ACSL6: variants seen among roughly 807,000 people sequenced by gnomAD.
The protein encoded by ACSL6 is acyl-CoA synthetase long chain family member 6.
ACSL6 carries 47 observed loss-of-function variants against 98.2 expected under a neutral mutation model. The observed-to-expected ratio is 0.48, with a 90% CI of 0.38 to 0.61. The LOEUF is 0.61. Ranked by LOEUF, ACSL6 falls within the 20% of genes least tolerant of loss-of-function variation. ACSL6 has a pLI of 0.00. For missense variants in ACSL6, 761 were observed against 913.4 expected, an observed-to-expected ratio of 0.83 and a Z score of 2.15; for synonymous variants, 362 against 336.9, an observed-to-expected ratio of 1.07 and a Z score of -0.82.
chr5:131,955,171 T>C (rs1047395666), intron 20 of ACSL6, among the ~76,000 whole-genome samples: 8 of 152,196 alleles, frequency 5.3e-5, no homozygotes, highest in African/African-American at 1.9e-4. Flanking sequence ...CTGGAAATCT[T>C]GCCTAAAGAT....
chr5:131,962,582 G>A lies in ACSL6; in HGVS notation c.1810C>T (p.Arg604Trp), dbSNP rs183511238. ...APEKIENIYI[R>W]SQPVAQIYVH... ...TAGATTTGCGCCACAGGTTGGCTCCGGATGTAGATGTTCTCAATCTTCTCG... is the reference window on the plus strand; with the variant it reads ...TAGATTTGCGCCACAGGTTGGCTCCAGATGTAGATGTTCTCAATCTTCTCG... The change falls in exon 18 of 21, where the codon CGG (arginine) becomes TGG (tryptophan). Residue 604 changes from arginine (R) to tryptophan (W), a missense_variant. Transcript: ENST00000651883. 23 of 1,614,072 alleles carry A rather than the reference G, an allele frequency of 1.4e-5. No individual in the cohort carries two copies. The African/African-American group carries it at 2.1e-4, about 15-fold the overall frequency.
At chr5:132,002,199 C>T (rs1257343808) in intron 1 of ACSL6, among the ~76,000 whole-genome samples, 3 of 152,228 alleles carry the variant, frequency 2.0e-5, no homozygotes, top group Non-Finnish European at 4.4e-5. Context: ...ACTCCCTGGC[C>T]AGGCCCTCCT....
At chr5:131,976,070 C>T (rs1227075163) in intron 10 of ACSL6, 2 of 985,368 alleles carry the variant, frequency 2.0e-6, no homozygotes, top group Non-Finnish European at 2.4e-6. Context: ...CTGAAGGAAA[C>T]TGCAGGACAT....
intron 10 of ACSL6, chr5:131,975,334 C>T (rs1753561250): frequency 1.0e-6 from 1 of 985,404 alleles, no homozygotes. Context: ...AGGGCCTGCC[C>T]CTCACTTGCA....
intron 1 of ACSL6, among the ~76,000 whole-genome samples, chr5:131,997,089 G>A (rs753725822): frequency 2.0e-5 from 3 of 152,228 alleles, no homozygotes; most frequent in Non-Finnish European, 4.4e-5. Flanking sequence ...AGTGCTACAA[G>A]TCTGTGAGGC....
chr5:131,955,248 G>A (rs1434460960), intron 20 of ACSL6, among the ~76,000 whole-genome samples: 1 of 152,126 alleles, frequency 6.6e-6, no homozygotes, highest in East Asian at 1.9e-4. Context: ...TGGAAATTTT[G>A]GCTAAAGATG....
chr5:131,975,216 A>G lies in ACSL6; in HGVS notation c.991-246T>C, dbSNP rs575314558. The G allele has an allele frequency of 7.2e-5, 98 of 1,369,478 alleles. No individual in the cohort carries two copies. The African/African-American group carries it at 1.3e-3, about 19-fold the overall frequency. 84.8% of individuals were successfully genotyped at this position (1,369,478 alleles called of 1,614,324 possible). ...AGAGACAGGGCAGCATAGGAAGCGG[A>G]GTGTTAGGTCGCAGCGTCAGTGGGT... On this transcript the variant is annotated intron_variant, in intron 10 of 20. Transcript: ENST00000651883.
In ACSL6 at chr5:131,951,238, G is replaced by A. The variant is rs1752141874; in HGVS notation, c.*2996C>T. ...ACTTCTAGGCTTAAATAGATCCAAT[G>A]CCCAATATGAATGTGACCATCGTAA... On this transcript the variant is annotated 3_prime_UTR_variant, in exon 21 of 21. Transcript: ENST00000651883. 4.7e-6 allele frequency: 1 copy of A among 212,412 alleles called. No homozygotes were observed. Among genetic ancestry groups the A allele is most frequent in the East Asian group, 7.1e-5 (1 of 14,056 alleles). The allele number at this position is 212,412 out of a possible 1,614,324, so 13.2% of individuals were successfully genotyped here. A position where few individuals can be genotyped will look rare whatever the true frequency, so the allele number is the denominator to read the frequency against.
Position 131,950,053 on chromosome 5 carries a change from A to G in ACSL6, c.*4181T>C. 1 of 179,364 alleles carries G rather than the reference A, an allele frequency of 5.6e-6. No individual in the cohort carries two copies. The allele number at this position is 179,364 out of a possible 1,614,324, so 11.1% of individuals were successfully genotyped here. A position where few individuals can be genotyped will look rare whatever the true frequency, so the allele number is the denominator to read the frequency against. ...TATTTAATATGCATGCTACTATAAC[A>G]AAGCAACTGAAAATGTAATTACAGT... On this transcript the variant is annotated 3_prime_UTR_variant, in exon 21 of 21. Coordinates refer to ENST00000651883, the MANE Select transcript of ACSL6 (RefSeq NM_001009185.3).
At chr5:131,976,930 C>T (rs1231630057) in intron 9 of ACSL6, among the ~76,000 whole-genome samples, 1 of 152,234 alleles carries the variant, frequency 6.6e-6, no homozygotes, top group African/African-American at 2.4e-5. Flanking sequence ...CTCCCACCAG[C>T]ATGGGACCAG....
intron 18 of ACSL6, chr5:131,960,958 C>T: frequency 5.0e-6 from 1 of 199,994 alleles, no homozygotes; most frequent in Non-Finnish European, 1.0e-5. Flanking sequence ...AAAATGTTTC[C>T]CAGGATTACC....
chr5:131,957,020 C>T (rs1752444419), intron 20 of ACSL6, among the ~76,000 whole-genome samples: 1 of 152,084 alleles, frequency 6.6e-6, no homozygotes, highest in Non-Finnish European at 1.5e-5. Context: ...GAATAAAATT[C>T]CTCAAAATTG....
At chr5:131,995,737 C>A (rs903576536) in intron 1 of ACSL6, among the ~76,000 whole-genome samples, 1 of 152,174 alleles carries the variant, frequency 6.6e-6, no homozygotes, top group African/African-American at 2.4e-5. Flanking sequence ...CAGAGACACA[C>A]AAAAAGCCCT....
intron 9 of ACSL6, among the ~76,000 whole-genome samples, chr5:131,978,285 A>G (rs978683835): frequency 2.6e-5 from 4 of 152,238 alleles, no homozygotes; most frequent in Admixed American, 6.5e-5. Flanking sequence ...GAAGTGGAGC[A>G]GGCAGCAGGC....
At chr5:131,971,694 G>T (rs186298767) in intron 13 of ACSL6, 49 bp from the exon 14 acceptor site, 2 of 1,492,982 alleles carry the variant, frequency 1.3e-6, no homozygotes, top group Non-Finnish European at 1.8e-6. Context: ...CTGAGATGGT[G>T]TCCAGTCCAT....
In ACSL6 at chr5:131,962,710, C is replaced by T. The variant is rs759417478; in HGVS notation, c.1714-32G>A. The T allele has an allele frequency of 8.7e-6, 14 of 1,611,350 alleles. No homozygotes were observed. The South Asian group carries it at 1.5e-4, about 18-fold the overall frequency. On this transcript the variant is annotated intron_variant, in intron 17 of 20. Transcript: ENST00000651883. ...AGTTGGACAAACAGCTTTATAAGAACATGGCACTCTCAAGCCTGAACCTTT... is the reference window on the plus strand; with the variant it reads ...AGTTGGACAAACAGCTTTATAAGAATATGGCACTCTCAAGCCTGAACCTTT...
intron 3 of ACSL6, among the ~76,000 whole-genome samples, 160 bp downstream of exon 3, chr5:131,990,693 C>T (rs1754455526): frequency 6.6e-6 from 1 of 152,188 alleles, no homozygotes; most frequent in Admixed American, 6.5e-5. Flanking sequence ...GCAGCTGCTT[C>T]TCTGACTGGT....
At chr5:131,974,731 T>C (rs976392647) in intron 11 of ACSL6, 162 bp downstream of exon 11, 1 of 1,593,216 alleles carries the variant, frequency 6.3e-7, no homozygotes, top group Non-Finnish European at 8.5e-7. Flanking sequence ...AGGCACAGAG[T>C]GTGCCTCCCT....
At chr5:131,975,685 A>T in intron 10 of ACSL6, 1 of 985,292 alleles carries the variant, frequency 1.0e-6, no homozygotes, top group South Asian at 4.7e-5. Context: ...CCCAGGACAC[A>T]TCTCACAGAT....
Sources: gnomAD v4.1 joint callset for allele counts (sites outside exome capture counted in the v4.1 genomes callset) on GRCh38, gnomAD v4.1.1 for gene constraint, MANE v1.5 for transcripts, NCBI Gene and HGNC (gene_info 2026-07-23, HGNC 2026-07-21) for gene names.